FXR1: variants seen among roughly 807,000 people sequenced by gnomAD.
The protein encoded by FXR1 is RNA-binding protein FXR1.
In FXR1, 15 loss-of-function variants were observed where a neutral mutation model predicts 84.0. The observed-to-expected ratio is 0.18, with a 90% CI of 0.12 to 0.27. The LOEUF (loss-of-function observed/expected upper bound fraction) is 0.27, where lower values mean the gene tolerates loss of function less well. Ranked by LOEUF, FXR1 falls within the 10% of genes least tolerant of loss-of-function variation. FXR1 has a pLI of 1.00. For synonymous variants in FXR1, 245 were observed against 250.7 expected, an observed-to-expected ratio of 0.98 and a Z score of 0.21; for missense variants, 480 against 774.4, an observed-to-expected ratio of 0.62 and a Z score of 4.51.
At chr3:180,925,264 G>A (rs778334625) in intron 1 of FXR1, among the ~76,000 whole-genome samples, 4 of 151,944 alleles carry the variant, frequency 2.6e-5, no homozygotes, top group Non-Finnish European at 4.4e-5. Flanking sequence ...GGAAGGCTAA[G>A]GCAGAAGAAT....
intron 15 of FXR1, chr3:180,971,218 C>T: frequency 4.0e-6 from 2 of 496,582 alleles, no homozygotes; most frequent in Non-Finnish European, 6.4e-6. Context: ...TCTATGTCTG[C>T]TTTCTAAATA....
At chr3:180,943,713 GC>G (rs1721384841) in intron 3 of FXR1, among the ~76,000 whole-genome samples, 2 of 152,166 alleles carry the variant, frequency 1.3e-5, no homozygotes, top group Non-Finnish European at 2.9e-5. Context: ...AGTGAGAAAA[GC>G]CTCCAGGCAG....
chr3:180,938,498 C>T lies in FXR1; in HGVS notation c.198+3267C>T, dbSNP rs529989800. 3.9e-5 allele frequency among the ~76,000 whole-genome samples: 6 copies of T among 152,166 alleles called. No homozygotes were observed. In the South Asian group the frequency reaches 6.2e-4, roughly 16 times the overall value. On this transcript the variant is annotated intron_variant, in intron 3 of 16. Transcript: ENST00000357559. ...GTGAATTGTCTATTTTTTGTTTGTG[C>T]AGTTTTTGGTGTAGGAAGTCCTTGC...
At chr3:180,915,124 A>C in intron 1 of FXR1, 2 of 193,834 alleles carry the variant, frequency 1.0e-5, no homozygotes, top group East Asian at 1.5e-4. Flanking sequence ...TGACTTGAAA[A>C]CCATTGGCTT....
chr3:180,958,874 C>G (rs1414151060), intron 10 of FXR1, among the ~76,000 whole-genome samples: 2 of 144,208 alleles, frequency 1.4e-5, no homozygotes, highest in African/African-American at 5.2e-5. Flanking sequence ...GTGGCATGAT[C>G]TCGGCTCACT....
intron 3 of FXR1, among the ~76,000 whole-genome samples, chr3:180,944,380 G>A (rs1721466576): frequency 6.6e-6 from 1 of 151,382 alleles, no homozygotes; most frequent in Non-Finnish European, 1.5e-5. Context: ...GAGTATAGTG[G>A]CATGATCATG....
chr3:180,965,681 A>G (rs1023352430), intron 13 of FXR1, among the ~76,000 whole-genome samples: 1 of 152,178 alleles, frequency 6.6e-6, no homozygotes, highest in Non-Finnish European at 1.5e-5. Flanking sequence ...CTCTATCTCA[A>G]GGTCCTTAAC....
intron 4 of FXR1, 172 bp from the exon 5 acceptor site, chr3:180,948,150 GACCGCCAAGGTTCATGCTTGTAAGA>G: frequency 1.6e-6 from 1 of 612,554 alleles, no homozygotes; most frequent in East Asian, 2.8e-5. Context: ...AGCATGTAAG[GACCGCCAAGGTTCATGCTTGTAAGA>G]ACCTATAATC....
rs56345724 is a variant in FXR1 at position 180,970,383 on chromosome 3, A to AATATATATATATATAT, written c.1603+49_1603+64dup. ...GGTATGTAAGCACTTAGGGAAGAGAAATATATATATATATATATATATATA... is the reference window on the plus strand; with the variant it reads ...GGTATGTAAGCACTTAGGGAAGAGAAATATATATATATATATATATATATATATATATATATATATA... On this transcript the variant is annotated intron_variant, in intron 15 of 16. Transcript: ENST00000357559. 9.2e-4 allele frequency: 339 copies of AATATATATATATATAT among 368,172 alleles called. 5 individuals are homozygous for AATATATATATATATAT. Among genetic ancestry groups the AATATATATATATATAT allele is most frequent in the African/African-American group, 3.1e-3 (101 of 33,004 alleles). 22.8% of individuals were successfully genotyped at this position (368,172 alleles called of 1,614,324 possible).
intron 10 of FXR1, among the ~76,000 whole-genome samples, chr3:180,960,163 C>T (rs1403847605): frequency 6.6e-6 from 1 of 152,150 alleles, no homozygotes; most frequent in Non-Finnish European, 1.5e-5. Context: ...TAAAAATCTT[C>T]TTATTCAGAA....
chr3:180,927,261 A>G (rs1719340956), intron 1 of FXR1, among the ~76,000 whole-genome samples: 1 of 152,064 alleles, frequency 6.6e-6, no homozygotes, highest in African/African-American at 2.4e-5. Flanking sequence ...GAGATTTTAA[A>G]TTTGTACTTT....
At chr3:180,966,451 A>G (rs1038123040) in intron 13 of FXR1, among the ~76,000 whole-genome samples, 2 of 152,176 alleles carry the variant, frequency 1.3e-5, no homozygotes, top group Non-Finnish European at 2.9e-5. Context: ...AAAACTTCTT[A>G]TGTCTGAAGA....
At chr3:180,974,322 T>C (rs1713955304) in intron 15 of FXR1, among the ~76,000 whole-genome samples, 1 of 152,198 alleles carries the variant, frequency 6.6e-6, no homozygotes, top group Non-Finnish European at 1.5e-5. Flanking sequence ...CACGCCTGGC[T>C]AATTCTGACG....
At chr3:180,975,540 A>G in intron 16 of FXR1, 136 bp downstream of exon 16, 1 of 461,920 alleles carries the variant, frequency 2.2e-6, no homozygotes, top group Non-Finnish European at 3.9e-6. Flanking sequence ...AGACTCTTGA[A>G]TATGTTCTTG....
chr3:180,973,081 C>T (rs1412318009), intron 15 of FXR1, among the ~76,000 whole-genome samples: 1 of 152,158 alleles, frequency 6.6e-6, no homozygotes, highest in Non-Finnish European at 1.5e-5. Flanking sequence ...CGAGGAAATT[C>T]TAGAGTCCAT....
At chr3:180,957,129 G>T (rs1015240489) in intron 9 of FXR1, among the ~76,000 whole-genome samples, 18 of 151,978 alleles carry the variant, frequency 1.2e-4, no homozygotes, top group Admixed American at 1.2e-3. Flanking sequence ...AGAGCCTTTT[G>T]ACCCCTTTAT....
At chr3:180,973,097 T>G (rs1713789093) in intron 15 of FXR1, among the ~76,000 whole-genome samples, 1 of 152,238 alleles carries the variant, frequency 6.6e-6, no homozygotes, top group South Asian at 2.1e-4. Flanking sequence ...TCCATGTCAT[T>G]ACAGAAATTG....
chr3:180,977,490 TATTC>T lies in FXR1; in HGVS notation c.*1203_*1206del, dbSNP rs1480264060. The T allele has an allele frequency of 6.6e-6, 1 of 152,128 alleles. No homozygotes were observed. The highest frequency in any genetic ancestry group is 2.4e-5 in the African/African-American group (1 of 41,458). The allele number at this position is 152,128 out of a possible 1,614,324, so 9.4% of individuals were successfully genotyped here. A position where few individuals can be genotyped will look rare whatever the true frequency, so the allele number is the denominator to read the frequency against. On this transcript the variant is annotated 3_prime_UTR_variant, in exon 17 of 17. Coordinates refer to ENST00000357559, the MANE Select transcript of FXR1 (RefSeq NM_005087.4). ...TAAATAATAGGCCAATGATTTGCTT[TATTC>T]ATTCTCAACTTATTTTGAAGGCTCT... is the stretch of plus-strand genomic sequence containing the variant.
intron 15 of FXR1, chr3:180,971,611 A>C (rs1388159543): frequency 6.6e-6 from 1 of 152,586 alleles, no homozygotes. Flanking sequence ...ATAAAAGAGA[A>C]AAATATTTGA....
Sources: gnomAD v4.1 joint callset for allele counts (sites outside exome capture counted in the v4.1 genomes callset) on GRCh38, gnomAD v4.1.1 for gene constraint, MANE v1.5 for transcripts, NCBI Gene and HGNC (gene_info 2026-07-23, HGNC 2026-07-21) for gene names.